The following METAP1 variants were observed in gnomAD, a reference collection of about 807,000 sequenced individuals.
METAP1 encodes the protein methionyl aminopeptidase 1.
METAP1 carries 28 observed loss-of-function variants against 53.8 expected under a neutral mutation model. That is an observed-to-expected ratio of 0.52 (90% confidence interval 0.39 to 0.71). METAP1 has a LOEUF of 0.71. Among genes scored for constraint, METAP1 ranks in the 30% least tolerant of loss-of-function variants. The pLI, the probability that METAP1 is intolerant of heterozygous loss-of-function variation, is 0.00. For synonymous variants in METAP1, 181 were observed against 165.7 expected (o/e 1.09, Z -0.71); for missense variants, 389 against 479.8 (o/e 0.81, Z 1.77).
chr4:99,026,599 T>C (rs1295198494), intron 1 of METAP1: 1 of 985,186 alleles, frequency 1.0e-6, no homozygotes, highest in Non-Finnish European at 1.2e-6. Context: ...TTGTTAGAGA[T>C]GAGGAGGGAA....
intron 1 of METAP1, among the ~76,000 whole-genome samples, chr4:99,013,980 G>T (rs937666489): frequency 4.6e-5 from 7 of 152,094 alleles, no homozygotes; most frequent in African/African-American, 1.7e-4. Flanking sequence ...CTGCTTTGTT[G>T]TTTGGCTTGA....
intron 1 of METAP1, among the ~76,000 whole-genome samples, chr4:99,010,906 A>G (rs1723435085): frequency 6.6e-6 from 1 of 151,996 alleles, no homozygotes; most frequent in Non-Finnish European, 1.5e-5. Context: ...ATTTCTAGGT[A>G]TTTTATTTTT....
chr4:99,052,587 A>C (rs1726790573), intron 9 of METAP1, among the ~76,000 whole-genome samples: 1 of 152,156 alleles, frequency 6.6e-6, no homozygotes, highest in African/African-American at 2.4e-5. Flanking sequence ...GTACCAAGGG[A>C]GGTGGTGCTA....
At chr4:99,013,030 T>C (rs902251471) in intron 1 of METAP1, among the ~76,000 whole-genome samples, 5 of 152,214 alleles carry the variant, frequency 3.3e-5, no homozygotes, top group African/African-American at 1.2e-4. Context: ...AGGTTCTTAC[T>C]ATGCATCCCG....
intron 10 of METAP1, among the ~76,000 whole-genome samples, chr4:99,058,834 C>T (rs1267480098): frequency 1.3e-5 from 2 of 152,128 alleles, no homozygotes; most frequent in African/African-American, 4.8e-5. Flanking sequence ...TTCCTTATTG[C>T]GTTTTCTGTA....
At chr4:99,047,052 G>A (rs778226574) in intron 8 of METAP1, among the ~76,000 whole-genome samples, 1 of 151,838 alleles carries the variant, frequency 6.6e-6, no homozygotes, top group African/African-American at 2.4e-5. Context: ...AGGAAGGAAC[G>A]AAAGTGGCTT....
At chr4:99,039,974 G>A (rs559062089) in intron 5 of METAP1, among the ~76,000 whole-genome samples, 35 of 151,834 alleles carry the variant, frequency 2.3e-4, no homozygotes, top group Admixed American at 6.6e-5. Flanking sequence ...TGATCTGCCC[G>A]CCTCGGCCTC....
At chr4:99,060,847 T>C (rs1005772110) in intron 10 of METAP1, among the ~76,000 whole-genome samples, 4 of 152,124 alleles carry the variant, frequency 2.6e-5, no homozygotes, top group Non-Finnish European at 5.9e-5. Context: ...ATATAATTAA[T>C]TAAGGTTGTT....
chr4:98,996,007 C>G (rs1272252974), intron 1 of METAP1, 140 bp downstream of exon 1: 6 of 694,042 alleles, frequency 8.6e-6, no homozygotes, highest in Non-Finnish European at 1.5e-5. Flanking sequence ...CTCCCCCCAC[C>G]CGCGTCGCCA....
intron 1 of METAP1, among the ~76,000 whole-genome samples, chr4:99,002,736 CT>C (rs1475767325): frequency 1.3e-5 from 2 of 152,142 alleles, no homozygotes; most frequent in African/African-American, 4.8e-5. Flanking sequence ...AGATTTCTTC[CT>C]GATACACCAG....
At chr4:99,016,951 T>C (rs1723802009) in intron 1 of METAP1, among the ~76,000 whole-genome samples, 1 of 152,210 alleles carries the variant, frequency 6.6e-6, no homozygotes, top group African/African-American at 2.4e-5. Context: ...CCCTTCTGTA[T>C]TTTCTTTAGC....
chr4:99,041,701 TAAAC>T (rs1004450064), intron 6 of METAP1, among the ~76,000 whole-genome samples: 2 of 151,912 alleles, frequency 1.3e-5, no homozygotes, highest in African/African-American at 4.8e-5. Flanking sequence ...CGTGTTCTAG[TAAAC>T]AAATACAAAT....
intron 1 of METAP1, among the ~76,000 whole-genome samples, chr4:99,001,135 G>A (rs557565559): frequency 1.2e-4 from 18 of 152,302 alleles, no homozygotes; most frequent in South Asian, 4.1e-4. Context: ...TCCTGCCAGT[G>A]CAGGGTGTTT....
intron 1 of METAP1, among the ~76,000 whole-genome samples, chr4:99,020,954 G>C (rs1724071870): frequency 6.6e-6 from 1 of 152,168 alleles, no homozygotes; most frequent in African/African-American, 2.4e-5. Flanking sequence ...CTCTGGCCTT[G>C]TTTCCAGTTG....
At chr4:99,045,142 A>G (rs1054162813) in intron 7 of METAP1, 37 bp from the exon 8 acceptor site, 20 of 1,591,922 alleles carry the variant, frequency 1.3e-5, no homozygotes, top group Non-Finnish European at 1.6e-5. Flanking sequence ...TGAAATGAAA[A>G]TAAGTATGGT....
At chr4:98,999,001 G>A (rs1006490106) in intron 1 of METAP1, among the ~76,000 whole-genome samples, 4 of 152,054 alleles carry the variant, frequency 2.6e-5, no homozygotes, top group Non-Finnish European at 5.9e-5. Flanking sequence ...GCAGAGATGG[G>A]GTTTCTCCAT....
rs1727604353 is a variant in METAP1, at chr4:99,062,398, TG to T, written c.*1084del. 6.6e-6 allele frequency: 1 copy of T among 152,612 alleles called. No individual in the cohort carries two copies. Among genetic ancestry groups the T allele is most frequent in the African/African-American group, 2.4e-5 (1 of 41,468 alleles). The allele number at this position is 152,612 out of a possible 1,614,324, so 9.5% of individuals were successfully genotyped here. A position where few individuals can be genotyped will look rare whatever the true frequency, so the allele number is the denominator to read the frequency against. The stretch of plus-strand genomic sequence containing the variant: ...GAAACACACCTCTCCTTTACATAGT[TG>T]GGAACCTCATTAGAAATGACCTCAG... On this transcript the variant is annotated 3_prime_UTR_variant, in exon 11 of 11. Transcript: ENST00000296411.
At chr4:99,013,770 T>C (rs906230277) in intron 1 of METAP1, among the ~76,000 whole-genome samples, 1 of 152,224 alleles carries the variant, frequency 6.6e-6, no homozygotes, top group East Asian at 1.9e-4. Context: ...AGGAATGGCA[T>C]GTATCCTGAT....
intron 1 of METAP1, among the ~76,000 whole-genome samples, chr4:99,001,478 T>C (rs1423463284): frequency 1.3e-5 from 2 of 152,244 alleles, no homozygotes; most frequent in Non-Finnish European, 2.9e-5. Flanking sequence ...TATTTATTCA[T>C]GTGCACACAG....
Sources: gnomAD v4.1 joint callset for allele counts (sites outside exome capture counted in the v4.1 genomes callset) on GRCh38, gnomAD v4.1.1 for gene constraint, MANE v1.5 for transcripts, NCBI Gene and HGNC (gene_info 2026-07-23, HGNC 2026-07-21) for gene names.